Variants in SAMMSON observed in about 807,000 individuals in gnomAD.
The protein encoded by SAMMSON is long intergenic non-protein coding RNA 1212.
intron 4 of SAMMSON, chr3:70,127,113 A>G (rs368628041): frequency 6.6e-6 from 1 of 152,344 alleles, no homozygotes; most frequent in African/African-American, 2.4e-5. Context: ...GTTTTAAATT[A>G]TGACAAAGGC....
At chr3:70,078,782 G>A (rs2067258007) in intron 4 of SAMMSON, among the ~76,000 whole-genome samples, 1 of 152,164 alleles carries the variant, frequency 6.6e-6, no homozygotes, top group African/African-American at 2.4e-5. Flanking sequence ...TGTTGGGCAC[G>A]TTCAGGGTCA....
chr3:70,300,083 A>C (rs931302541), intron 7 of SAMMSON, among the ~76,000 whole-genome samples: 1 of 151,830 alleles, frequency 6.6e-6, no homozygotes, highest in African/African-American at 2.4e-5. Flanking sequence ...CAAATTCCCC[A>C]TTTTTCAGAA....
At chr3:70,159,295 A>T (rs1328139735) in intron 4 of SAMMSON, among the ~76,000 whole-genome samples, 6 of 151,890 alleles carry the variant, frequency 4.0e-5, no homozygotes, top group African/African-American at 1.2e-4. Flanking sequence ...ATTTAACATT[A>T]GGTATATCTC....
chr3:70,428,989 G>A (rs888754502), intron 2 of SAMMSON, among the ~76,000 whole-genome samples: 4 of 152,088 alleles, frequency 2.6e-5, no homozygotes, highest in African/African-American at 9.7e-5. Flanking sequence ...GTCAATTTTG[G>A]CTTTAATTGC....
chr3:70,365,774 C>T (rs974165595), intron 9 of SAMMSON, among the ~76,000 whole-genome samples: 4 of 151,724 alleles, frequency 2.6e-5, no homozygotes, highest in Non-Finnish European at 5.9e-5. Flanking sequence ...TAGTTTTATA[C>T]ATTTGTAATG....
At chr3:70,018,877 T>C (rs2066998499) in intron 3 of SAMMSON, among the ~76,000 whole-genome samples, 1 of 152,368 alleles carries the variant, frequency 6.6e-6, no homozygotes, top group Non-Finnish European at 1.5e-5. Flanking sequence ...TCAGTTTCCA[T>C]GTAGTTGAGT....
intron 3 of SAMMSON, among the ~76,000 whole-genome samples, chr3:70,041,688 A>C (rs768086081): frequency 6.6e-6 from 1 of 152,150 alleles, no homozygotes; most frequent in Non-Finnish European, 1.5e-5. Flanking sequence ...AAAATACACT[A>C]TAACAACAAT....
At chr3:70,023,551 G>A (rs1472346990) in intron 3 of SAMMSON, among the ~76,000 whole-genome samples, 1 of 151,750 alleles carries the variant, frequency 6.6e-6, no homozygotes, top group African/African-American at 2.4e-5. Context: ...TTACTGTGTA[G>A]CTATTACTCA....
intron 4 of SAMMSON, among the ~76,000 whole-genome samples, chr3:70,210,205 T>G (rs1412353246): frequency 6.6e-6 from 1 of 152,136 alleles, no homozygotes; most frequent in Non-Finnish European, 1.5e-5. Context: ...AAGTATAGCA[T>G]TTTGAATGTA....
chr3:70,390,410 A>C (rs1018578466), downstream of SAMMSON, among the ~76,000 whole-genome samples: 14 of 152,252 alleles, frequency 9.2e-5, no homozygotes, highest in Middle Eastern at 3.4e-3. Context: ...ATAATTTATG[A>C]AAAGAGAGGT....
chr3:70,035,652 C>T (rs890098031), intron 3 of SAMMSON, among the ~76,000 whole-genome samples: 9 of 152,108 alleles, frequency 5.9e-5, no homozygotes, highest in African/African-American at 2.2e-4. Flanking sequence ...TCTTGAATTT[C>T]CTCATTTATC....
At chr3:70,162,297 T>C (rs1051299283) in intron 4 of SAMMSON, among the ~76,000 whole-genome samples, 2 of 151,846 alleles carry the variant, frequency 1.3e-5, no homozygotes, top group East Asian at 1.9e-4. Flanking sequence ...TCTCCAAGCG[T>C]TGGTTTAGGT....
intron 4 of SAMMSON, among the ~76,000 whole-genome samples, chr3:70,220,703 AT>A (rs1220733285): frequency 1.3e-5 from 2 of 152,170 alleles, no homozygotes; most frequent in East Asian, 3.9e-4. Context: ...TTCAACAAAT[AT>A]TTGCTGACTG....
intron 4 of SAMMSON, among the ~76,000 whole-genome samples, chr3:70,185,510 C>A (rs1194222278): frequency 6.6e-6 from 1 of 152,124 alleles, no homozygotes; most frequent in Non-Finnish European, 1.5e-5. Context: ...CATAGAATAT[C>A]TAGCTATTGT....
At chr3:70,118,246 C>T (rs1010989190) in intron 4 of SAMMSON, among the ~76,000 whole-genome samples, 3 of 152,114 alleles carry the variant, frequency 2.0e-5, no homozygotes, top group Non-Finnish European at 2.9e-5. Flanking sequence ...TTAATATGCA[C>T]GGACAAATAC....
chr3:70,226,737 T>TAA (rs369777217), intron 4 of SAMMSON, among the ~76,000 whole-genome samples: 7,047 of 121,314 alleles, frequency 0.058, 418 homozygotes, highest in East Asian at 0.2. Context: ...GACTCTGTCT[T>TAA]AAAAAAAAAA....
chr3:70,402,057 C>T (rs1219897259), intron 2 of SAMMSON, among the ~76,000 whole-genome samples: 2 of 152,066 alleles, frequency 1.3e-5, no homozygotes, highest in Non-Finnish European at 2.9e-5. Context: ...TGTGGAAATC[C>T]TGCTTTATTA....
intron 7 of SAMMSON, among the ~76,000 whole-genome samples, chr3:70,342,302 C>T (rs1702717160): frequency 6.6e-6 from 1 of 152,154 alleles, no homozygotes; most frequent in Non-Finnish European, 1.5e-5. Flanking sequence ...TCACTTCAAA[C>T]TTGTATCTTC....
intron 7 of SAMMSON, among the ~76,000 whole-genome samples, chr3:70,307,932 T>G (rs1176822186): frequency 6.6e-6 from 1 of 152,238 alleles, no homozygotes; most frequent in African/African-American, 2.4e-5. Flanking sequence ...CTGATGCCTT[T>G]GCTCCCTGCA....
Sources: allele counts gnomAD v4.1 joint callset (sites outside exome capture counted in the v4.1 genomes callset), GRCh38; gene constraint gnomAD v4.1.1; transcripts MANE v1.5; gene names NCBI Gene and HGNC (gene_info 2026-07-23, HGNC 2026-07-21).